Variants in PHF14 observed in about 807,000 individuals in gnomAD.
The protein encoded by PHF14 is PHD finger protein 14.
Under a neutral mutation model 117.9 loss-of-function variants are expected in PHF14, and 55 were observed. The ratio of observed to expected loss-of-function variants is 0.47; its 90% CI spans 0.38 to 0.58. The LOEUF (loss-of-function observed/expected upper bound fraction) is 0.58. Ranked by LOEUF, PHF14 falls within the 20% of genes least tolerant of loss-of-function variation. The pLI, the probability that PHF14 is intolerant of heterozygous loss-of-function variation, is 0.00. For synonymous variants in PHF14, 409 were observed against 368.6 expected (o/e 1.11, Z -1.26); for missense variants, 978 against 1,122.2 (o/e 0.87, Z 1.84).
intron 17 of PHF14, among the ~76,000 whole-genome samples, chr7:11,136,642 T>C (rs1370407259): frequency 6.6e-6 from 1 of 152,204 alleles, no homozygotes; most frequent in East Asian, 1.9e-4. Flanking sequence ...AGAAATGCAT[T>C]TGTAATTCTT....
At chr7:11,114,517 G>T (rs986338116) in intron 17 of PHF14, among the ~76,000 whole-genome samples, 4 of 152,006 alleles carry the variant, frequency 2.6e-5, no homozygotes, top group African/African-American at 9.7e-5. Context: ...GCACATGAAA[G>T]CGGAAATACA....
Position 11,061,999 on chromosome 7 carries a change from T to A in PHF14, c.2568T>A (p.Ser856=), listed in dbSNP as rs1785241374. ...CTAGAGAGAGAAGACAAAGACAGTC[T>A]GTGTTGCAAAAGAAGCCCAAGGCTG... The part of the protein sequence containing the change: ...RVPRERRQRQ[S]VLQKKPKAED... The change falls in exon 16 of 18, where the codon TCT becomes TCA. Residue 856 remains serine, a synonymous_variant. Coordinates refer to ENST00000634607, the MANE Select transcript of PHF14 (RefSeq NM_001007157.2). 2 of 1,604,426 alleles carry A rather than the reference T, an allele frequency of 1.2e-6. No homozygotes were observed. The highest frequency in any genetic ancestry group is 1.3e-5 in the African/African-American group (1 of 74,894).
At chr7:11,103,681 T>C (rs1407459166) in intron 16 of PHF14, 4 of 984,838 alleles carry the variant, frequency 4.1e-6, no homozygotes, top group African/African-American at 1.7e-5. Context: ...CAATGGAAAA[T>C]AGTTTAAACT....
intron 4 of PHF14, among the ~76,000 whole-genome samples, chr7:10,994,837 C>T (rs1232911873): frequency 1.3e-5 from 2 of 152,012 alleles, no homozygotes; most frequent in Non-Finnish European, 2.9e-5. Context: ...AGCGCGTACC[C>T]GAAGAGTGAG....
intron 17 of PHF14, among the ~76,000 whole-genome samples, chr7:11,122,135 G>A (rs1423797838): frequency 2.5e-4 from 38 of 151,022 alleles, no homozygotes; most frequent in Admixed American, 2.4e-3. Context: ...TTCTGTGTTA[G>A]TTTGCTGAGA....
intron 17 of PHF14, among the ~76,000 whole-genome samples, chr7:11,133,854 A>T (rs1788149679): frequency 6.6e-6 from 1 of 152,040 alleles, no homozygotes; most frequent in African/African-American, 2.4e-5. Flanking sequence ...AGTGATAGAA[A>T]AGGAAGTTTT....
At position 11,062,006 on chromosome 7, in the gene PHF14, CA is replaced by C; in HGVS notation, c.2579del (p.Lys860ArgfsTer8). 1 of 1,604,336 alleles carries C rather than the reference CA, an allele frequency of 6.2e-7. No homozygotes were observed. Among genetic ancestry groups the C allele is most frequent in the Admixed American group, 1.7e-5 (1 of 58,798 alleles). The stretch of plus-strand genomic sequence containing the variant: ...GAGAAGACAAAGACAGTCTGTGTTG[CA>C]AAAGAAGCCCAAGGCTGAAGATTTA... ...RERRQRQSVL[Q>X]KKPKAEDLRT... is the part of the protein sequence containing the mutation. On this transcript the variant is annotated frameshift_variant, in exon 16 of 18. Coordinates refer to ENST00000634607, the MANE Select transcript of PHF14 (RefSeq NM_001007157.2). LOFTEE classifies it high-confidence loss of function.
At chr7:11,090,517 T>C (rs1025495484) in intron 16 of PHF14, among the ~76,000 whole-genome samples, 26 of 152,246 alleles carry the variant, frequency 1.7e-4, no homozygotes, top group Admixed American at 6.5e-4. Context: ...AAGGACCTTG[T>C]TGTGACATGG....
At chr7:11,038,054 G>T (rs1210397986) in intron 10 of PHF14, among the ~76,000 whole-genome samples, 2 of 152,108 alleles carry the variant, frequency 1.3e-5, no homozygotes, top group African/African-American at 4.8e-5. Context: ...AATGCTTACA[G>T]CAACAAATAC....
At chr7:10,997,379 C>A in intron 4 of PHF14, among the ~76,000 whole-genome samples, 1 of 152,056 alleles carries the variant, frequency 6.6e-6, no homozygotes, top group African/African-American at 2.4e-5. Flanking sequence ...TATAGAGAAG[C>A]CAGGAGATGG....
chr7:10,990,307 G>A (rs1470155929), intron 3 of PHF14, among the ~76,000 whole-genome samples: 1 of 152,120 alleles, frequency 6.6e-6, no homozygotes, highest in African/African-American at 2.4e-5. Flanking sequence ...ATCATGTCTT[G>A]TGCTTTTAAA....
chr7:11,081,866 AAAG>A (rs199509477), intron 16 of PHF14, among the ~76,000 whole-genome samples: 2,685 of 152,060 alleles, frequency 0.018, 73 homozygotes, highest in African/African-American at 0.061. Flanking sequence ...AAAAAAAAAA[AAAG>A]AGATTTATGA....
chr7:10,983,006 C>T lies in PHF14; in HGVS notation c.747C>T (p.Asp249=), dbSNP rs752099791. The part of the protein sequence containing the change: ...DEDEGSGSDE[D]ENDEGNDEDH... ...ATGAGGGAAGCGGGAGTGATGAAGACGAGAATGATGAAGGCAATGATGAAG... is the reference window on the plus strand; with the variant it reads ...ATGAGGGAAGCGGGAGTGATGAAGATGAGAATGATGAAGGCAATGATGAAG... The change falls in exon 3 of 18, where the codon GAC becomes GAT. Residue 249 remains aspartate, a synonymous_variant. Coordinates refer to ENST00000634607, the MANE Select transcript of PHF14 (RefSeq NM_001007157.2). 87 of 1,582,446 alleles carry T rather than the reference C, an allele frequency of 5.5e-5. No individual in the cohort carries two copies. Among genetic ancestry groups the T allele is most frequent in the Non-Finnish European group, 6.4e-5 (75 of 1,166,240 alleles).
chr7:11,017,692 C>T (rs1783579919), intron 5 of PHF14, among the ~76,000 whole-genome samples: 1 of 151,986 alleles, frequency 6.6e-6, no homozygotes, highest in Admixed American at 6.5e-5. Flanking sequence ...TATTTTCTCC[C>T]ATTCTGTGGG....
intron 4 of PHF14, among the ~76,000 whole-genome samples, chr7:10,992,112 G>A (rs1333666626): frequency 2.6e-5 from 4 of 151,476 alleles, no homozygotes; most frequent in Non-Finnish European, 4.4e-5. Flanking sequence ...GGAGTGCAGC[G>A]ACACAATCTC....
Position 11,020,282 on chromosome 7 carries a change from G to T in PHF14, c.1206-2586G>T, listed in dbSNP as rs962533342. 2.6e-5 allele frequency among the ~76,000 whole-genome samples: 4 copies of T among 152,120 alleles called. No individual in the cohort carries two copies. In the South Asian group the frequency reaches 8.3e-4, roughly 32 times the overall value. On this transcript the variant is annotated intron_variant, in intron 5 of 17. Coordinates refer to ENST00000634607, the MANE Select transcript of PHF14 (RefSeq NM_001007157.2). ...GTTTGTATTTTTCTGTAGAGACGAG[G>T]TTTCAACCTGTTGCCCAGGCTGGTC...
chr7:11,028,896 A>G, intron 7 of PHF14, 78 bp downstream of exon 7: 1 of 1,185,954 alleles, frequency 8.4e-7, no homozygotes. Context: ...ATAAGTGTAA[A>G]TAATAAAAGA....
intron 13 of PHF14, among the ~76,000 whole-genome samples, chr7:11,050,701 A>G (rs1050770293): frequency 2.0e-5 from 3 of 152,200 alleles, no homozygotes; most frequent in Non-Finnish European, 2.9e-5. Context: ...GTTGGATACC[A>G]CTTGTCTAAA....
intron 16 of PHF14, among the ~76,000 whole-genome samples, chr7:11,078,235 A>G (rs1583443503): frequency 6.6e-6 from 1 of 152,190 alleles, no homozygotes; most frequent in South Asian, 2.1e-4. Flanking sequence ...ATACATGGAG[A>G]GGTTTGTTAA....
Sources: gnomAD v4.1 joint callset for allele counts (sites outside exome capture counted in the v4.1 genomes callset) on GRCh38, gnomAD v4.1.1 for gene constraint, MANE v1.5 for transcripts, NCBI Gene and HGNC (gene_info 2026-07-23, HGNC 2026-07-21) for gene names.